BCOR: variants seen among roughly 807,000 people sequenced by gnomAD.
BCOR encodes BCL6 corepressor, also known as BCL-6 corepressor.
BCOR carries 10 observed loss-of-function variants against 86.7 expected under a neutral mutation model. That is an observed-to-expected ratio of 0.12 (90% confidence interval 0.07 to 0.20). BCOR has a LOEUF of 0.20. Among genes scored for constraint, BCOR ranks in the 10% least tolerant of loss-of-function variants. The pLI is 1.00. For synonymous variants in BCOR, 611 were observed against 609.0 expected (o/e 1.00, Z -0.05); for missense variants, 1,259 against 1,452.1 (o/e 0.87, Z 2.16).
At chrX:40,165,709 C>T in intron 1 of BCOR, among the ~76,000 whole-genome samples, 1 of 112,632 alleles carries the variant, frequency 8.9e-6, no homozygotes, top group Non-Finnish European at 1.9e-5. Context: ...TTCCTACTTA[C>T]AATTCAAACA....
intron 1 of BCOR, among the ~76,000 whole-genome samples, chrX:40,094,877 G>T (rs1936782988): frequency 8.8e-6 from 1 of 113,277 alleles, no homozygotes; most frequent in South Asian, 3.5e-4. Context: ...CCCTGCAAAG[G>T]GCTGGAGAGA....
intron 1 of BCOR, among the ~76,000 whole-genome samples, chrX:40,084,271 C>T (rs764366478): frequency 1.8e-5 from 2 of 112,146 alleles, no homozygotes; most frequent in Non-Finnish European, 3.8e-5. Flanking sequence ...TCAGGTGCCC[C>T]CAACCTCTCT....
intron 7 of BCOR, 52 bp downstream of exon 7, chrX:40,064,284 C>T (rs945877686): frequency 1.8e-5 from 22 of 1,206,930 alleles, no homozygotes; most frequent in Non-Finnish European, 2.0e-5. Flanking sequence ...TCCACTGTGG[C>T]CGCATGCAAA....
At chrX:40,128,334 T>C (rs778220261) in intron 1 of BCOR, among the ~76,000 whole-genome samples, 155 of 111,749 alleles carry the variant, frequency 1.4e-3, no homozygotes, top group Non-Finnish European at 1.5e-3. Flanking sequence ...TCATTTGAGC[T>C]CAGGAGTTTG....
chrX:40,089,891 A>G (rs1936521464), intron 1 of BCOR, among the ~76,000 whole-genome samples: 1 of 112,315 alleles, frequency 8.9e-6, no homozygotes, highest in South Asian at 3.7e-4. Context: ...ATTAAGATGG[A>G]AGACGCCAGC....
intron 1 of BCOR, among the ~76,000 whole-genome samples, chrX:40,141,384 G>A (rs1456984953): frequency 8.9e-6 from 1 of 112,307 alleles, no homozygotes; most frequent in Non-Finnish European, 1.9e-5. Context: ...AGCGTGTTTC[G>A]CCTCTGCTTA....
At chrX:40,170,645 G>A (rs1938601753) in intron 1 of BCOR, among the ~76,000 whole-genome samples, 1 of 112,005 alleles carries the variant, frequency 8.9e-6, no homozygotes, top group Admixed American at 9.4e-5. Context: ...ACCGCGCCCA[G>A]CCTTCTTAAA....
rs781120143 is a variant in BCOR, at chrX:40,152,055, C to T, written c.-41+24952G>A. 1.3e-4 allele frequency among the ~76,000 whole-genome samples: 14 copies of T among 110,819 alleles called. No homozygotes were observed. In the South Asian group the frequency reaches 5.5e-3, roughly 43 times the overall value. On this transcript the variant is annotated intron_variant, in intron 1 of 14. Coordinates refer to the BCOR transcript ENST00000342274. ...GCGCTCGTGGGCACAGCTAGTGCAG[C>T]GGTCCCCACGGGGTGGGGTGGAGAG... is the stretch of plus-strand genomic sequence containing the variant.
chrX:40,091,889 T>G (rs1363019300), intron 1 of BCOR, among the ~76,000 whole-genome samples: 1 of 108,089 alleles, frequency 9.3e-6, no homozygotes, highest in African/African-American at 3.8e-5. Context: ...CCCACCCAGC[T>G]TTGGGCGAGG....
chrX:40,080,815 C>CGT (rs533981374), intron 1 of BCOR, among the ~76,000 whole-genome samples: 1,560 of 65,933 alleles, frequency 0.024, 38 homozygotes, highest in South Asian at 0.04. Context: ...GGTTCACTGT[C>CGT]GTGTGTGTGT....
intron 1 of BCOR, among the ~76,000 whole-genome samples, chrX:40,128,188 G>A (rs1245516575): frequency 1.8e-5 from 2 of 110,558 alleles, no homozygotes; most frequent in African/African-American, 3.3e-5. Flanking sequence ...TCACACCACC[G>A]AACTCCAGCC....
intron 1 of BCOR, among the ~76,000 whole-genome samples, chrX:40,137,788 G>T (rs1377283142): frequency 9.0e-6 from 1 of 110,706 alleles, no homozygotes; most frequent in Non-Finnish European, 1.9e-5. Flanking sequence ...TTGACTTTCT[G>T]ATCTCAGGCT....
At chrX:40,056,421 C>T (rs768737717) in intron 11 of BCOR, among the ~76,000 whole-genome samples, 4 of 110,232 alleles carry the variant, frequency 3.6e-5, no homozygotes, top group African/African-American at 1.3e-4. Flanking sequence ...GCCAAGGGAA[C>T]GGTGGGGAGA....
rs140858321 is a variant in BCOR, at chrX:40,073,206, C to G, written c.2140G>C (p.Val714Leu). Residue 714 changes from valine to leucine, a missense_variant, in exon 4 of 15, where the codon GTG (valine) becomes CTG (leucine). Coordinates refer to ENST00000378444, the MANE Select transcript of BCOR (RefSeq NM_001123385.2). ...YGLPTGRPEF[V>L]TYQDALGLGM... Reference sequence around the variant, plus strand: ...AACCCCAGGGCATCTTGGTAGGTCACAAACTCTGGACGGCCGGTGGGAAGC... The same window carrying G: ...AACCCCAGGGCATCTTGGTAGGTCAGAAACTCTGGACGGCCGGTGGGAAGC... 1.7e-6 allele frequency: 2 copies of G among 1,210,955 alleles called. No individual in the cohort carries two copies. Among genetic ancestry groups the G allele is most frequent in the African/African-American group, 3.5e-5 (2 of 57,408 alleles).
chrX:40,058,923 CCAGGGAGAGGCCCTGTCACGTGACT>C (rs1934732574), intron 10 of BCOR, among the ~76,000 whole-genome samples: 1 of 112,054 alleles, frequency 8.9e-6, no homozygotes, highest in Admixed American at 9.4e-5. Context: ...GTGTACCCAG[CCAGGGAGAGGCCCTGTCACGTGACT>C]CAGGGATCAG....
chrX:40,118,166 G>T (rs1421516949), intron 1 of BCOR, among the ~76,000 whole-genome samples: 1 of 109,972 alleles, frequency 9.1e-6, no homozygotes, highest in Non-Finnish European at 1.9e-5. Context: ...TTTGGGAGGC[G>T]GGGAGTCACA....
chrX:40,151,681 G>A (rs1297166699), intron 1 of BCOR, among the ~76,000 whole-genome samples: 4 of 112,968 alleles, frequency 3.5e-5, no homozygotes, highest in Admixed American at 2.8e-4. Context: ...AGGCAGCCAC[G>A]ACTGAACGGT....
intron 1 of BCOR, among the ~76,000 whole-genome samples, chrX:40,156,687 G>C (rs111967956): frequency 0.019 from 2,084 of 111,903 alleles, 43 homozygotes; most frequent in African/African-American, 0.065. Flanking sequence ...CTTCGGGAGG[G>C]GAGTCAGGTT....
chrX:40,175,053 C>A (rs1232337209), intron 1 of BCOR, among the ~76,000 whole-genome samples: 1 of 112,372 alleles, frequency 8.9e-6, no homozygotes, highest in Non-Finnish European at 1.9e-5. Context: ...CCTGGCGAAG[C>A]GCCCATCCTC....
Sources: allele counts gnomAD v4.1 joint callset (sites outside exome capture counted in the v4.1 genomes callset), GRCh38; gene constraint gnomAD v4.1.1; transcripts MANE v1.5; gene names NCBI Gene and HGNC (gene_info 2026-07-23, HGNC 2026-07-21).